Variants in TENM2 observed in about 807,000 individuals in gnomAD.
The protein encoded by TENM2 is teneurin-2.
In TENM2, 52 loss-of-function variants were observed where a neutral mutation model predicts 245.2. That is an observed-to-expected ratio of 0.21 (90% CI 0.17 to 0.27). The LOEUF (loss-of-function observed/expected upper bound fraction) is 0.27. Among genes scored for constraint, TENM2 ranks in the 10% least tolerant of loss-of-function variants. The probability of loss-of-function intolerance (pLI) is 1.00; values close to 1 mark genes in which losing one functional copy is unlikely to be tolerated. For synonymous variants in TENM2, 1,363 were observed against 1,438.9 expected, an observed-to-expected ratio of 0.95 and a Z score of 1.19; for missense variants, 3,046 against 3,666.8, an observed-to-expected ratio of 0.83 and a Z score of 4.37.
chr5:168,148,882 GATA>G (rs1756365045), intron 12 of TENM2, among the ~76,000 whole-genome samples: 3 of 128,266 alleles, frequency 2.3e-5, no homozygotes, highest in Non-Finnish European at 5.1e-5. Context: ...ATGATAGATA[GATA>G]GATAGATAGA....
chr5:167,737,922 C>A (rs554980192), intron 2 of TENM2, among the ~76,000 whole-genome samples: 1 of 152,194 alleles, frequency 6.6e-6, no homozygotes, highest in Non-Finnish European at 1.5e-5. Flanking sequence ...CCAGACAGTT[C>A]TATAGGGCAC....
intron 7 of TENM2, among the ~76,000 whole-genome samples, chr5:168,079,248 T>C: frequency 6.6e-6 from 1 of 152,224 alleles, no homozygotes; most frequent in South Asian, 2.1e-4. Flanking sequence ...TATTGGTGTA[T>C]AGGAATTCTT....
the TENM2 span, among the ~76,000 whole-genome samples, chr5:167,060,112 C>T: frequency 6.6e-6 from 1 of 152,030 alleles, no homozygotes; most frequent in Non-Finnish European, 1.5e-5. Context: ...TTATGTGGCA[C>T]TGCAGCAATG....
At chr5:167,268,867 A>AAGATGCATAGATAGAT in the TENM2 span, among the ~76,000 whole-genome samples, 1 of 127,014 alleles carries the variant, frequency 7.9e-6, no homozygotes, top group East Asian at 2.5e-4. Context: ...TCCTTTCCAA[A>AAGATGCATAGATAGAT]AGATACATAG....
chr5:167,609,500 AAAAAAAAAAAAAC>A (rs1477379258), intron 2 of TENM2, among the ~76,000 whole-genome samples: 79 of 144,260 alleles, frequency 5.5e-4, no homozygotes, highest in Non-Finnish European at 8.4e-4. Flanking sequence ...AAAAAAAAAA[AAAAAAAAAAAAAC>A]AAAACCTTAC....
At chr5:167,809,415 C>T (rs1766465303) in intron 2 of TENM2, among the ~76,000 whole-genome samples, 1 of 152,078 alleles carries the variant, frequency 6.6e-6, no homozygotes, top group Non-Finnish European at 1.5e-5. Flanking sequence ...ATTATTTCAG[C>T]AGATCACATA....
chr5:167,992,647 A>G (rs1037875125), intron 4 of TENM2, among the ~76,000 whole-genome samples: 16 of 152,216 alleles, frequency 1.1e-4, no homozygotes, highest in African/African-American at 3.9e-4. Flanking sequence ...AGCATCCTCA[A>G]CCTCATCATC....
At chr5:168,185,178 G>C (rs1412194874) in intron 13 of TENM2, 1 of 152,128 alleles carries the variant, frequency 6.6e-6, no homozygotes, top group Admixed American at 6.5e-5. Context: ...GACTTCCTTG[G>C]GGAAGGAAGC....
intron 2 of TENM2, among the ~76,000 whole-genome samples, chr5:167,441,084 T>C (rs562253467): frequency 6.6e-6 from 1 of 152,178 alleles, no homozygotes; most frequent in African/African-American, 2.4e-5. Flanking sequence ...GCAGGCTGCG[T>C]TGAAAATGCC....
intron 5 of TENM2, among the ~76,000 whole-genome samples, chr5:168,018,247 TC>T (rs894633627): frequency 6.6e-6 from 1 of 152,230 alleles, no homozygotes; most frequent in Middle Eastern, 3.2e-3. Flanking sequence ...TTTTTTTCTC[TC>T]TCTGAATTTA....
chr5:167,242,681 C>G, the TENM2 span, among the ~76,000 whole-genome samples: 1 of 152,108 alleles, frequency 6.6e-6, no homozygotes, highest in African/African-American at 2.4e-5. Flanking sequence ...TTTATTTTCT[C>G]TTGCTTTATT....
the TENM2 span, among the ~76,000 whole-genome samples, chr5:167,070,239 T>C: frequency 6.7e-6 from 1 of 149,540 alleles, no homozygotes; most frequent in Non-Finnish European, 1.5e-5. Flanking sequence ...TGCCTCAGCC[T>C]CCCGAGTAGC....
chr5:167,952,088 C>A (rs756288282), intron 3 of TENM2, among the ~76,000 whole-genome samples: 1 of 152,182 alleles, frequency 6.6e-6, no homozygotes, highest in Non-Finnish European at 1.5e-5. Flanking sequence ...TCAACTCAGT[C>A]CTTAGCTAGC....
the TENM2 span, among the ~76,000 whole-genome samples, chr5:167,079,115 G>A: frequency 6.6e-6 from 1 of 152,006 alleles, no homozygotes; most frequent in Admixed American, 6.6e-5. Context: ...GAATGACCAA[G>A]AAAGTGCTAT....
chr5:167,345,243 C>T (rs1321717863), intron 1 of TENM2, among the ~76,000 whole-genome samples: 3 of 152,286 alleles, frequency 2.0e-5, no homozygotes, highest in African/African-American at 7.2e-5. Context: ...CAAGGCTTCA[C>T]GTCACGATTG....
chr5:168,068,673 C>A (rs1790714435), intron 7 of TENM2, among the ~76,000 whole-genome samples: 1 of 152,022 alleles, frequency 6.6e-6, no homozygotes, highest in South Asian at 2.1e-4. Context: ...GGAGTACTTA[C>A]TTTTATCGAA....
chr5:167,079,893 T>G, the TENM2 span, among the ~76,000 whole-genome samples: 2 of 152,178 alleles, frequency 1.3e-5, no homozygotes, highest in Non-Finnish European at 2.9e-5. Flanking sequence ...TGAAAAGATG[T>G]TGTAATACAA....
intron 3 of TENM2, among the ~76,000 whole-genome samples, chr5:167,926,716 C>CA (rs1464673246): frequency 6.4e-5 from 8 of 125,724 alleles, no homozygotes; most frequent in African/African-American, 2.1e-4. Context: ...AGTGAGATTC[C>CA]ACCACACACA....
At position 168,201,290 on chromosome 5, in the gene TENM2, G is replaced by GTA. The variant is rs542048256; in HGVS notation, c.3430+1170_3430+1171dup. 4.0e-3 allele frequency among the ~76,000 whole-genome samples: 608 copies of GTA among 150,884 alleles called. 3 individuals are homozygous for GTA. Among genetic ancestry groups the GTA allele is most frequent in the Non-Finnish European group, 4.9e-3 (330 of 67,694 alleles). ...AATATATGTATATTTGTGTGTGTGT[G>GTA]TATATATATATACACACATACATAT... On this transcript the variant is annotated intron_variant, in intron 17 of 28. Transcript: ENST00000518659.
Sources: gnomAD v4.1 joint callset for allele counts (sites outside exome capture counted in the v4.1 genomes callset) on GRCh38, gnomAD v4.1.1 for gene constraint, MANE v1.5 for transcripts, NCBI Gene and HGNC (gene_info 2026-07-23, HGNC 2026-07-21) for gene names.